The following RFX2 variants were observed in gnomAD, a reference collection of about 807,000 sequenced individuals.
RFX2 encodes the protein regulatory factor X2.
Under a neutral mutation model 87.8 loss-of-function variants are expected in RFX2, and 20 were observed. The ratio of observed to expected loss-of-function variants is 0.23; its 90% confidence interval spans 0.16 to 0.33. The LOEUF (loss-of-function observed/expected upper bound fraction) is 0.33, where lower values mean the gene tolerates loss of function less well. Ranked by LOEUF, RFX2 falls within the 10% of genes least tolerant of loss-of-function variation. RFX2 has a pLI of 1.00. For missense variants in RFX2, 767 were observed against 1,012.3 expected (o/e 0.76, Z 3.29); for synonymous variants, 397 against 431.3 (o/e 0.92, Z 0.98).
rs79497292 is a variant in RFX2 at position 6,026,278 on chromosome 19, A to G, written c.523-41T>C. The G allele has an allele frequency of 1.0e-5, 4 of 399,128 alleles. No individual in the cohort carries two copies. The highest frequency in any genetic ancestry group is 1.0e-4 in the East Asian group (1 of 9,956). The allele number at this position is 399,128 out of a possible 1,614,324, so 24.7% of individuals were successfully genotyped here. A position where few individuals can be genotyped will look rare whatever the true frequency, so the allele number is the denominator to read the frequency against. ...GCAGAAACAAAACAAAACAAAATGG[A>G]AAAAAAAAAAAAGGAAATCAGATGG... On this transcript the variant is annotated intron_variant, in intron 5 of 17. Transcript: ENST00000303657. The surrounding 1 kb of genome is among the most constrained non-coding windows in gnomAD (Gnocchi z 4.5).
At chr19:6,075,056 G>A (rs1164732659) in intron 1 of RFX2, among the ~76,000 whole-genome samples, 1 of 152,110 alleles carries the variant, frequency 6.6e-6, no homozygotes, top group Non-Finnish European at 1.5e-5. Context: ...TGTGATGTGA[G>A]GACACAGCAA....
chr19:6,057,039 A>T (rs1158473190), intron 1 of RFX2: 2 of 152,170 alleles, frequency 1.3e-5, no homozygotes, highest in African/African-American at 4.8e-5. Flanking sequence ...GGCGGGCATG[A>T]AATAAAGGGG....
Position 6,040,060 on chromosome 19 carries a change from C to T in RFX2, c.442G>A (p.Ala148Thr), listed in dbSNP as rs144698636. 34 of 1,611,988 alleles carry T rather than the reference C, an allele frequency of 2.1e-5. No homozygotes were observed. Among genetic ancestry groups the T allele is most frequent in the Middle Eastern group, 1.7e-4 (1 of 5,960 alleles). Residue 148 changes from alanine (A) to threonine (T), a missense_variant, in exon 5 of 18, where the codon GCG becomes ACG. Around this residue, in one of 2 missense-constraint regions of RFX2, gnomAD observed 621 missense variants for 873.0 expected, o/e 0.71. Coordinates refer to ENST00000303657, the MANE Select transcript of RFX2 (RefSeq NM_000635.4). The surrounding 1 kb of genome is among the most constrained non-coding windows in gnomAD (Gnocchi z 6.1). ...CCCCCGTGGATGAGATAGGCTCCCG[C>T]GCTGGAGACGATGGGGCTCCCCCCG... is the stretch of plus-strand genomic sequence containing the variant. ...DVGGSPIVSS[A>T]GAYLIHGGMD...
rs542538956 is a variant in RFX2 at position 6,002,455 on chromosome 19, G to A, written c.1650+266C>T. Among the ~76,000 whole-genome samples the A allele has an allele frequency of 2.0e-5, 3 of 152,374 alleles. No homozygotes were observed. The highest frequency in any genetic ancestry group is 1.5e-5 in the Non-Finnish European group (1 of 68,036). On this transcript the variant is annotated intron_variant, in intron 14 of 17. Coordinates refer to ENST00000303657, the MANE Select transcript of RFX2 (RefSeq NM_000635.4). The surrounding 1 kb of genome is among the most constrained non-coding windows in gnomAD (Gnocchi z 6.7). ...CACAGGGAGGTCAACGTGGTGCCAC[G>A]ATCCTGGAAGCTGGGGGCCTTTGTG...
rs983605172 is a variant in RFX2, at chr19:6,022,270, A to G, written c.597+3893T>C. 1.3e-5 allele frequency among the ~76,000 whole-genome samples: 2 copies of G among 152,194 alleles called. No individual in the cohort carries two copies. Among genetic ancestry groups the G allele is most frequent in the African/African-American group, 4.8e-5 (2 of 41,438 alleles). On this transcript the variant is annotated intron_variant, in intron 6 of 17. Transcript: ENST00000303657. The surrounding 1 kb of genome is among the most constrained non-coding windows in gnomAD (Gnocchi z 6.2). ...CTTCTGAGGAGCTGCCGGCTCTAGC[A>G]ACCCCACTGTGGCCTGCAGGACAGC...
At position 6,056,154 on chromosome 19, in the gene RFX2, G is replaced by C. The variant is rs773991946; in HGVS notation, c.-8-8650C>G. On this transcript the variant is annotated intron_variant, in intron 1 of 17. Transcript: ENST00000303657. This position sits in a 1 kb window ranked among gnomAD's most constrained non-coding sequence, Gnocchi z 4.6. ...TGATTTGTCAAAATTAGCCAGCTAA[G>C]GTTTGTGCACTTACTGTATGTGAAT... Among the ~76,000 whole-genome samples the C allele has an allele frequency of 6.6e-6, 1 of 152,130 alleles. No homozygotes were observed. Among genetic ancestry groups the C allele is most frequent in the Admixed American group, 6.5e-5 (1 of 15,274 alleles).
In RFX2 at chr19:6,056,806, T is replaced by A. The variant is rs1045578131; in HGVS notation, c.-8-9302A>T. On this transcript the variant is annotated intron_variant, in intron 1 of 17. Coordinates refer to ENST00000303657, the MANE Select transcript of RFX2 (RefSeq NM_000635.4). The surrounding 1 kb of genome is among the most constrained non-coding windows in gnomAD (Gnocchi z 4.6). ...CCTGTGGCGAGGACCTGGGCAGTCT[T>A]ACTTTGACTGCCTTCCCCTGTGTCC... 7.9e-5 allele frequency among the ~76,000 whole-genome samples: 12 copies of A among 152,176 alleles called. No homozygotes were observed. The highest frequency in any genetic ancestry group is 1.6e-4 in the Non-Finnish European group (11 of 68,036).
Position 6,016,289 on chromosome 19 carries a change from C to T in RFX2, c.598-18G>A, listed in dbSNP as rs150889636. ...CACTGGAGCTGTAAAAAGAAAGACACGTCTGCGTTTGTCAGAAGCCTGAGG... is the reference window on the plus strand; with the variant it reads ...CACTGGAGCTGTAAAAAGAAAGACATGTCTGCGTTTGTCAGAAGCCTGAGG... On this transcript the variant is annotated intron_variant, in intron 6 of 17. Transcript: ENST00000303657. This position sits in a 1 kb window ranked among gnomAD's most constrained non-coding sequence, Gnocchi z 5.4. 6.9e-3 allele frequency: 10,842 copies of T among 1,576,486 alleles called. 48 individuals are homozygous for T. Among genetic ancestry groups the T allele is most frequent in the Non-Finnish European group, 8.6e-3 (9,962 of 1,156,620 alleles).
At position 6,001,795 on chromosome 19, in the gene RFX2, G is replaced by A. The variant is rs372441262; in HGVS notation, c.1859+20C>T. 165 of 1,565,516 alleles carry A rather than the reference G, an allele frequency of 1.1e-4. 1 individual carries two copies. In the East Asian group the frequency reaches 1.2e-3, roughly 11 times the overall value. Reference sequence around the variant, plus strand: ...GCCCCCCACCCGCCAGAATTCTCTCGGAGGTCTGGTGGGACTAACCTGTAA... The same window carrying A: ...GCCCCCCACCCGCCAGAATTCTCTCAGAGGTCTGGTGGGACTAACCTGTAA... On this transcript the variant is annotated intron_variant, in intron 15 of 17. Transcript: ENST00000303657. This position sits in a 1 kb window ranked among gnomAD's most constrained non-coding sequence, Gnocchi z 5.6.
chr19:6,071,768 C>T (rs559988298), intron 1 of RFX2, among the ~76,000 whole-genome samples: 1 of 152,184 alleles, frequency 6.6e-6, no homozygotes, highest in South Asian at 2.1e-4. Context: ...CCAATTAATT[C>T]TAAGAAGATA....
chr19:6,046,563 C>T (rs78334249), intron 2 of RFX2, among the ~76,000 whole-genome samples: 1 of 117,080 alleles, frequency 8.5e-6, no homozygotes, highest in African/African-American at 3.0e-5. Context: ...CGTCCCCCCC[C>T]AAAAAAAAAA....
Position 6,007,907 on chromosome 19 carries a change from T to G in RFX2, c.1135-105A>C. On this transcript the variant is annotated intron_variant, in intron 10 of 17. Coordinates refer to ENST00000303657, the MANE Select transcript of RFX2 (RefSeq NM_000635.4). The surrounding 1 kb of genome is among the most constrained non-coding windows in gnomAD (Gnocchi z 8.2). ...TGATCCGGGCTACAGCGGGGTGCCC[T>G]GGAATCCCAAGGGAGGCCACAGAGA... is the stretch of plus-strand genomic sequence containing the variant. The G allele has an allele frequency of 1.1e-6, 1 of 907,922 alleles. No homozygotes were observed. 56.2% of individuals were successfully genotyped at this position (907,922 alleles called of 1,614,324 possible).
Position 6,081,507 on chromosome 19 carries a change from T to C in RFX2, c.-9+28886A>G, listed in dbSNP as rs1439647386. On this transcript the variant is annotated intron_variant, in intron 1 of 17. Coordinates refer to ENST00000303657, the MANE Select transcript of RFX2 (RefSeq NM_000635.4). ...AATGATGGCTTCTATACATTTTTAA[T>C]GCAGGTAATTATACTCTCAGTAAAT... is the stretch of plus-strand genomic sequence containing the variant. Among the ~76,000 whole-genome samples, 3 of 152,268 alleles carry C rather than the reference T, an allele frequency of 2.0e-5. No individual in the cohort carries two copies. In the East Asian group the frequency reaches 5.8e-4, roughly 29 times the overall value.
rs903643743 is a variant in RFX2, at chr19:6,063,702, T to C, written c.-8-16198A>G. Among the ~76,000 whole-genome samples, 5 of 152,196 alleles carry C rather than the reference T, an allele frequency of 3.3e-5. No individual in the cohort carries two copies. The highest frequency in any genetic ancestry group is 1.2e-4 in the African/African-American group (5 of 41,446). The stretch of plus-strand genomic sequence containing the variant: ...AGTCAGCTTGTCATGTCATACAGGC[T>C]TTCCTGACCTCAGCAATGCGGATAT... On this transcript the variant is annotated intron_variant, in intron 1 of 17. Coordinates refer to ENST00000303657, the MANE Select transcript of RFX2 (RefSeq NM_000635.4). This position sits in a 1 kb window ranked among gnomAD's most constrained non-coding sequence, Gnocchi z 4.0.
At chr19:6,077,367 C>T (rs115117074) in intron 1 of RFX2, among the ~76,000 whole-genome samples, 2,164 of 152,256 alleles carry the variant, frequency 0.014, 55 homozygotes, top group African/African-American at 0.049. Flanking sequence ...ATGCAAAACC[C>T]GGGAGCACTG....
At position 6,017,929 on chromosome 19, in the gene RFX2, C is replaced by A. The variant is rs1261639054; in HGVS notation, c.598-1658G>T. ...GTCTGTTTGCCCCATCCCCACCCCC[C>A]CAACTCAGCATTAGAAGCTGGGGAG... On this transcript the variant is annotated intron_variant, in intron 6 of 17. Transcript: ENST00000303657. This position sits in a 1 kb window ranked among gnomAD's most constrained non-coding sequence, Gnocchi z 4.1. Among the ~76,000 whole-genome samples, 3 of 147,624 alleles carry A rather than the reference C, an allele frequency of 2.0e-5. No homozygotes were observed. Among genetic ancestry groups the A allele is most frequent in the Non-Finnish European group, 4.5e-5 (3 of 66,614 alleles).
At position 5,999,023 on chromosome 19, in the gene RFX2, A is replaced by G. The variant is rs1323565233; in HGVS notation, c.1860-1810T>C. On this transcript the variant is annotated intron_variant, in intron 15 of 17. Coordinates refer to ENST00000303657, the MANE Select transcript of RFX2 (RefSeq NM_000635.4). This position sits in a 1 kb window ranked among gnomAD's most constrained non-coding sequence, Gnocchi z 4.1. Reference sequence around the variant, plus strand: ...GGAATCGCAGCACTTTGGGAGGCTGAGGCAGGTGGATCACCTGAGGTCAGG... The same window carrying G: ...GGAATCGCAGCACTTTGGGAGGCTGGGGCAGGTGGATCACCTGAGGTCAGG... Among the ~76,000 whole-genome samples, 1 of 152,238 alleles carries G rather than the reference A, an allele frequency of 6.6e-6. No individual in the cohort carries two copies. Among genetic ancestry groups the G allele is most frequent in the African/African-American group, 2.4e-5 (1 of 41,464 alleles).
Position 5,995,338 on chromosome 19 carries a change from G to A in RFX2, c.2056+263C>T, listed in dbSNP as rs560368822. Among the ~76,000 whole-genome samples the A allele has an allele frequency of 7.2e-5, 11 of 152,294 alleles. No individual in the cohort carries two copies. The East Asian group carries it at 2.1e-3, about 29-fold the overall frequency. On this transcript the variant is annotated intron_variant, in intron 17 of 17. Transcript: ENST00000303657. ...GCGTGGGCGCAGGAGACCAGGGGCT[G>A]CCTAGTCTGGGCCTGGTGCTGAGGT...
At chr19:6,095,475 C>A (rs755455192) in intron 1 of RFX2, among the ~76,000 whole-genome samples, 1 of 152,032 alleles carries the variant, frequency 6.6e-6, no homozygotes, top group Non-Finnish European at 1.5e-5. Context: ...TAATTCCTTA[C>A]GTGGCAAAAG....
Sources: allele counts gnomAD v4.1 joint callset (sites outside exome capture counted in the v4.1 genomes callset), GRCh38; gene constraint gnomAD v4.1.1; regional missense constraint gnomAD v4.1.1; non-coding constraint Gnocchi (gnomAD v3.1); transcripts MANE v1.5; gene names NCBI Gene and HGNC (gene_info 2026-07-23, HGNC 2026-07-21).